The following EIF4G3 variants were observed in gnomAD, a reference collection of about 807,000 sequenced individuals.
The protein encoded by EIF4G3 is eukaryotic translation initiation factor 4 gamma 3.
A neutral mutation model predicts 186.4 loss-of-function variants in EIF4G3; 34 were observed. That is an observed-to-expected ratio of 0.18 (90% confidence interval 0.14 to 0.24). EIF4G3 has a LOEUF of 0.24. Among genes scored for constraint, EIF4G3 ranks in the 10% least tolerant of loss-of-function variants. The probability of loss-of-function intolerance (pLI) is 1.00; values close to 1 mark genes in which losing one functional copy is unlikely to be tolerated. For missense variants in EIF4G3, 1,536 were observed against 1,948.5 expected (o/e 0.79, Z 3.99); for synonymous variants, 673 against 679.5 (o/e 0.99, Z 0.15).
In EIF4G3 at chr1:21,094,949, C is replaced by G. The variant is rs184968904; in HGVS notation, c.-271-5736G>C. Among the ~76,000 whole-genome samples the G allele has an allele frequency of 3.2e-3, 494 of 152,160 alleles. 11 individuals carry two copies. Among genetic ancestry groups the G allele is most frequent in the Admixed American group, 0.03 (455 of 15,268 alleles). Reference sequence around the variant, plus strand: ...AGGATCCCTCGAGCCCAAATATTCACCTGGGCAATTCTTCCTTTGCTCTCC... The same window carrying G: ...AGGATCCCTCGAGCCCAAATATTCAGCTGGGCAATTCTTCCTTTGCTCTCC... On this transcript the variant is annotated intron_variant, in intron 2 of 36. Coordinates refer to ENST00000602326, the MANE Select transcript of EIF4G3 (RefSeq NM_001391906.1).
chr1:20,845,339 C>T (rs577045437), intron 29 of EIF4G3, among the ~76,000 whole-genome samples: 26 of 152,226 alleles, frequency 1.7e-4, no homozygotes, highest in African/African-American at 5.1e-4. Context: ...TACCACACCA[C>T]GTTGTTTTGG....
Position 20,829,266 on chromosome 1 carries a change from T to G in EIF4G3, c.4068A>C (p.Ser1356=). The G allele has an allele frequency of 6.2e-7, 1 of 1,612,776 alleles. No homozygotes were observed. The highest frequency in any genetic ancestry group is 8.5e-7 in the Non-Finnish European group (1 of 1,179,624). ...TGTCATCTGCCAATTCCAAAGTTTCTGAAAAACTGAAAAGGAACAGGGGGT... is the reference window on the plus strand; with the variant it reads ...TGTCATCTGCCAATTCCAAAGTTTCGGAAAAACTGAAAAGGAACAGGGGGT... The part of the protein sequence containing the change: ...LSKQDFFKGF[S]ETLELADDMA... The change falls in exon 31 of 37, where the codon TCA becomes TCC. Residue 1356 remains serine, a synonymous_variant. Coordinates refer to ENST00000602326, the MANE Select transcript of EIF4G3 (RefSeq NM_001391906.1).
At chr1:20,879,029 T>C (rs1017047335) in intron 20 of EIF4G3, among the ~76,000 whole-genome samples, 3 of 152,156 alleles carry the variant, frequency 2.0e-5, no homozygotes, top group African/African-American at 4.8e-5. Flanking sequence ...CGGGAAAAAT[T>C]TGTTGCCCAT....
chr1:20,838,517 C>T (rs1022024622), intron 30 of EIF4G3, among the ~76,000 whole-genome samples: 5 of 152,200 alleles, frequency 3.3e-5, no homozygotes, highest in Admixed American at 6.5e-5. Flanking sequence ...TTTGCTCTTA[C>T]CATTTGCACT....
At chr1:20,882,568 C>T (rs2082711576) in intron 19 of EIF4G3, among the ~76,000 whole-genome samples, 1 of 151,386 alleles carries the variant, frequency 6.6e-6, no homozygotes, top group Non-Finnish European at 1.5e-5. Flanking sequence ...TTGCAGTGAG[C>T]TGAGATCGCG....
chr1:21,064,786 G>A (rs977000275), intron 3 of EIF4G3: 4 of 152,098 alleles, frequency 2.6e-5, no homozygotes, highest in Admixed American at 1.3e-4. Context: ...TATATTACAG[G>A]CCAATTGCTG....
intron 14 of EIF4G3, among the ~76,000 whole-genome samples, chr1:20,911,214 C>G (rs1286218295): frequency 1.3e-5 from 2 of 152,066 alleles, no homozygotes; most frequent in Non-Finnish European, 2.9e-5. Context: ...ATAGAGAGTA[C>G]TCATTTTATA....
At chr1:20,915,134 T>C (rs2093712375) in intron 14 of EIF4G3, among the ~76,000 whole-genome samples, 1 of 152,158 alleles carries the variant, frequency 6.6e-6, no homozygotes, top group Non-Finnish European at 1.5e-5. Flanking sequence ...ATCGATTTGT[T>C]TTCTCCTCAT....
chr1:21,009,012 C>G (rs1413918271), intron 4 of EIF4G3, among the ~76,000 whole-genome samples: 4 of 152,112 alleles, frequency 2.6e-5, no homozygotes, highest in Admixed American at 6.5e-5. Context: ...TCTCTATCAT[C>G]TTAGAGCTGG....
At chr1:20,936,202 T>C (rs1424465858) in intron 14 of EIF4G3, among the ~76,000 whole-genome samples, 10 of 152,176 alleles carry the variant, frequency 6.6e-5, no homozygotes, top group Non-Finnish European at 1.0e-4. Flanking sequence ...AAGAGTTTAC[T>C]GGGGAGGGAA....
rs187722650 is a variant in EIF4G3 at position 21,158,386 on chromosome 1, G to C, written c.-272+17789C>G. Among the ~76,000 whole-genome samples the C allele has an allele frequency of 1.8e-4, 27 of 151,608 alleles. No homozygotes were observed. The East Asian group carries it at 3.5e-3, about 20-fold the overall frequency. On this transcript the variant is annotated intron_variant, in intron 2 of 36. Coordinates refer to ENST00000602326, the MANE Select transcript of EIF4G3 (RefSeq NM_001391906.1). ...AGGCGAGGTTTTGCCATGTTGCCCA[G>C]GGGGGTTTCAAACTCCTAAGCTCAA...
At chr1:21,163,158 T>G (rs1474929136) in intron 2 of EIF4G3, among the ~76,000 whole-genome samples, 1 of 152,222 alleles carries the variant, frequency 6.6e-6, no homozygotes, top group African/African-American at 2.4e-5. Flanking sequence ...CTATGATTTT[T>G]CTAATGAAGA....
chr1:20,927,044 T>C (rs994794302), intron 14 of EIF4G3, among the ~76,000 whole-genome samples: 10 of 151,048 alleles, frequency 6.6e-5, no homozygotes, highest in African/African-American at 2.4e-4. Context: ...TTGAAAAAAA[T>C]ACTTTTTTTT....
chr1:20,979,399 C>T (rs943494298), intron 10 of EIF4G3, among the ~76,000 whole-genome samples: 12 of 152,254 alleles, frequency 7.9e-5, no homozygotes, highest in Admixed American at 7.8e-4. Context: ...GTATATTCTC[C>T]AAGTGCCTGC....
intron 6 of EIF4G3, chr1:20,999,628 T>C (rs969809474): frequency 7.6e-6 from 3 of 396,736 alleles, no homozygotes; most frequent in African/African-American, 2.1e-5. Context: ...AAATTACATA[T>C]ATATAAAAAC....
chr1:21,027,554 C>G (rs1209533520), intron 4 of EIF4G3, among the ~76,000 whole-genome samples: 1 of 151,794 alleles, frequency 6.6e-6, no homozygotes, highest in Non-Finnish European at 1.5e-5. Flanking sequence ...CGCTTGAACT[C>G]AGGAGGCAGA....
intron 20 of EIF4G3, among the ~76,000 whole-genome samples, chr1:20,877,290 T>C (rs2081151287): frequency 6.6e-6 from 1 of 152,178 alleles, no homozygotes; most frequent in African/African-American, 2.4e-5. Flanking sequence ...AAATGGAGAA[T>C]TAGTTTGCTT....
At chr1:21,011,867 G>A (rs531807306) in intron 4 of EIF4G3, among the ~76,000 whole-genome samples, 3 of 152,284 alleles carry the variant, frequency 2.0e-5, no homozygotes, top group African/African-American at 7.2e-5. Flanking sequence ...CTAAGGAAAA[G>A]CACTTGTAAC....
Position 20,862,314 on chromosome 1 carries a change from A to C in EIF4G3, c.3025T>G (p.Phe1009Val). The C allele has an allele frequency of 6.2e-7, 1 of 1,610,592 alleles. No homozygotes were observed. The highest frequency in any genetic ancestry group is 8.5e-7 in the Non-Finnish European group (1 of 1,178,032). ...TTCACAATTTTCTCCATCTGATTAA[A>C]GTACTGGTCCATACGTGGCTGCAAG... ...EKAKPRMDQY[F>V]NQMEKIVKER... Residue 1009 changes from phenylalanine (F) to valine (V), a missense_variant, in exon 23 of 37, where the codon TTT (phenylalanine) becomes GTT (valine). Phe to Val is a conservative substitution (Grantham distance 50, BLOSUM62 -1). Around this residue, in one of 11 missense-constraint regions of EIF4G3, gnomAD observed 110 missense variants for 166.2 expected, o/e 0.66. Transcript: ENST00000602326.
Sources: gnomAD v4.1 joint callset for allele counts (sites outside exome capture counted in the v4.1 genomes callset) on GRCh38, gnomAD v4.1.1 for gene constraint, gnomAD v4.1.1 regional missense constraint, MANE v1.5 for transcripts, NCBI Gene and HGNC (gene_info 2026-07-23, HGNC 2026-07-21) for gene names.